PRDM10: variants seen among roughly 807,000 people sequenced by gnomAD.
The protein encoded by PRDM10 is PR domain zinc finger protein 10.
Under a neutral mutation model 133.1 loss-of-function variants are expected in PRDM10, and 65 were observed. That is an observed-to-expected ratio of 0.49 (90% CI 0.40 to 0.60). The LOEUF (loss-of-function observed/expected upper bound fraction) is 0.60. PRDM10 is among the 20% of genes least tolerant of loss of function. The probability of loss-of-function intolerance (pLI) is 0.00; values close to 1 mark genes in which losing one functional copy is unlikely to be tolerated. For missense variants in PRDM10, 1,137 were observed against 1,507.1 expected, an observed-to-expected ratio of 0.75 and a Z score of 4.07; for synonymous variants, 582 against 580.4, an observed-to-expected ratio of 1.00 and a Z score of -0.04.
At position 129,918,631 on chromosome 11, in the gene PRDM10, T is replaced by A. The variant is rs1591593833; in HGVS notation, c.2122A>T (p.Thr708Ser). The change falls in exon 14 of 21, where the codon ACG becomes TCG. Residue 708 changes from threonine to serine, a missense_variant. Physicochemically the swap from Thr to Ser is moderately conservative, Grantham distance 58. This residue lies in a region of PRDM10 where 78 missense variants were observed against 96.4 expected (regional missense o/e 0.81). Coordinates refer to ENST00000360871, the MANE Select transcript of PRDM10 (RefSeq NM_199437.2). The surrounding 1 kb of genome is among the most constrained non-coding windows in gnomAD (Gnocchi z 5.3). ...GTGGACGTGATGCGGGGCTTGAACG[T>A]CTTGGAGCGGCTGATGCGGTCGGCT... Reference protein sequence around the residue: ...KKADRISRSKTFKPRITSTDY... With the variant: ...KKADRISRSKSFKPRITSTDY... The A allele has an allele frequency of 6.2e-7, 1 of 1,614,176 alleles. No individual in the cohort carries two copies. The highest frequency in any genetic ancestry group is 1.6e-4 in the Middle Eastern group (1 of 6,062).
intron 13 of PRDM10, among the ~76,000 whole-genome samples, chr11:129,919,975 G>C (rs1036672097): frequency 1.3e-5 from 2 of 152,174 alleles, no homozygotes; most frequent in Admixed American, 6.5e-5. Flanking sequence ...GCGCTTTGTA[G>C]GCTACAGTAG....
At chr11:130,001,386 G>T (rs2136019314) in intron 1 of PRDM10, among the ~76,000 whole-genome samples, 1 of 152,300 alleles carries the variant, frequency 6.6e-6, no homozygotes, top group African/African-American at 2.4e-5. Flanking sequence ...CCACAAAACA[G>T]TCATGAGTGA....
intron 8 of PRDM10, among the ~76,000 whole-genome samples, chr11:129,935,837 C>A (rs1207131954): frequency 6.6e-6 from 1 of 152,200 alleles, no homozygotes; most frequent in African/African-American, 2.4e-5. Context: ...GTCTTTGTCC[C>A]TAGTTGGTAA....
intron 1 of PRDM10, among the ~76,000 whole-genome samples, chr11:129,991,607 T>G (rs1215044507): frequency 1.3e-5 from 2 of 151,932 alleles, no homozygotes; most frequent in Non-Finnish European, 1.5e-5. Context: ...TCACCTGAGG[T>G]CAGGAGTTCG....
At chr11:129,906,016 T>G (rs1358377560) in intron 19 of PRDM10, among the ~76,000 whole-genome samples, 1 of 152,220 alleles carries the variant, frequency 6.6e-6, no homozygotes, top group Admixed American at 6.5e-5. Flanking sequence ...TTTAAAACCT[T>G]GAAATACGTC....
chr11:129,940,249 A>G (rs965108267), intron 7 of PRDM10, among the ~76,000 whole-genome samples: 2 of 152,142 alleles, frequency 1.3e-5, no homozygotes, highest in Non-Finnish European at 2.9e-5. Flanking sequence ...TTTTTTCTTA[A>G]TGGTGCATAA....
intron 7 of PRDM10, among the ~76,000 whole-genome samples, chr11:129,940,023 G>C (rs1951157774): frequency 6.6e-6 from 1 of 152,086 alleles, no homozygotes; most frequent in Admixed American, 6.5e-5. Flanking sequence ...CACACAGAAA[G>C]GCACAAACAT....
rs2135887506 is a variant in PRDM10 at position 129,947,879 on chromosome 11, G to A, written c.295-509C>T. 1 of 367,378 alleles carries A rather than the reference G, an allele frequency of 2.7e-6. No individual in the cohort carries two copies. Among genetic ancestry groups the A allele is most frequent in the East Asian group, 7.3e-5 (1 of 13,762 alleles). The allele number at this position is 367,378 out of a possible 1,614,324, so 22.8% of individuals were successfully genotyped here. On this transcript the variant is annotated intron_variant, in intron 4 of 20. Transcript: ENST00000360871. The surrounding 1 kb of genome is among the most constrained non-coding windows in gnomAD (Gnocchi z 4.6). ...CCACATCTGAACTAAACCTGGGGTG[G>A]GGGTCCCTCTTGCCTTTCCAGAGTA...
At chr11:129,957,408 T>A (rs1951715655) in intron 3 of PRDM10, among the ~76,000 whole-genome samples, 1 of 152,038 alleles carries the variant, frequency 6.6e-6, no homozygotes, top group Non-Finnish European at 1.5e-5. Context: ...AACCTCCGCC[T>A]CCCAGGTTCA....
At chr11:129,985,114 C>A (rs1277804763) in intron 1 of PRDM10, among the ~76,000 whole-genome samples, 2 of 152,176 alleles carry the variant, frequency 1.3e-5, no homozygotes, top group Non-Finnish European at 2.9e-5. Flanking sequence ...CCATGACCGG[C>A]CCAGGAGGCC....
rs1950439916 is a variant in PRDM10 at position 129,918,955 on chromosome 11, A to T, written c.2035-237T>A. On this transcript the variant is annotated intron_variant, in intron 13 of 20. Coordinates refer to ENST00000360871, the MANE Select transcript of PRDM10 (RefSeq NM_199437.2). This position sits in a 1 kb window ranked among gnomAD's most constrained non-coding sequence, Gnocchi z 5.3. ...TTAAAATGACCATTAAATAGGAAAG[A>T]TACATACCGACTTTTGAGAATAAAG... 6.6e-6 allele frequency among the ~76,000 whole-genome samples: 1 copy of T among 152,220 alleles called. No individual in the cohort carries two copies. Among genetic ancestry groups the T allele is most frequent in the Admixed American group, 6.5e-5 (1 of 15,286 alleles).
chr11:129,914,866 G>A lies in PRDM10; in HGVS notation c.2679C>T (p.Asp893=), dbSNP rs775718691. 17 of 1,614,044 alleles carry A rather than the reference G, an allele frequency of 1.1e-5. No individual in the cohort carries two copies. The highest frequency in any genetic ancestry group is 2.7e-5 in the African/African-American group (2 of 74,910). Residue 893 remains aspartate (D), a synonymous_variant, in exon 17 of 21, where the codon GAC becomes GAT. Coordinates refer to ENST00000360871, the MANE Select transcript of PRDM10 (RefSeq NM_199437.2). ...SATGETVVTT[D]LLTQAMTELS... is the part of the protein sequence containing the mutation. ...GTTCTGTCATTGCTTGGGTGAGCAG[G>A]TCCGTCGTCACCACAGTCTCTCCAG...
chr11:129,914,459 A>T lies in PRDM10; in HGVS notation c.2841+245T>A, dbSNP rs896492757. ...CAGGTGCTGTGGCTACTGTCCTGCC[A>T]CAGCACAGGAGGCTTGTATATGCTG... On this transcript the variant is annotated intron_variant, in intron 17 of 20. Transcript: ENST00000360871. The T allele has an allele frequency of 5.2e-6, 3 of 577,942 alleles. No individual in the cohort carries two copies. In the Admixed American group the frequency reaches 8.5e-5, roughly 16 times the overall value. The allele number at this position is 577,942 out of a possible 1,614,324, so 35.8% of individuals were successfully genotyped here.
chr11:129,930,902 G>C, intron 11 of PRDM10, 114 bp downstream of exon 11: 1 of 1,411,364 alleles, frequency 7.1e-7, no homozygotes, highest in Non-Finnish European at 9.5e-7. Flanking sequence ...CATGTGACAG[G>C]CTAGATGCAA....
chr11:129,995,849 G>A (rs1454693409), intron 1 of PRDM10, among the ~76,000 whole-genome samples: 2 of 152,124 alleles, frequency 1.3e-5, no homozygotes, highest in Admixed American at 6.6e-5. Flanking sequence ...GGGGGGCTGA[G>A]GCAGGAGAAT....
At chr11:129,986,512 G>T (rs1270578754) in intron 1 of PRDM10, among the ~76,000 whole-genome samples, 1 of 152,094 alleles carries the variant, frequency 6.6e-6, no homozygotes, top group African/African-American at 2.4e-5. Context: ...TCAGAAACAC[G>T]AGTAGCTGGG....
At chr11:129,990,347 A>C (rs1453418887) in intron 1 of PRDM10, among the ~76,000 whole-genome samples, 1 of 149,990 alleles carries the variant, frequency 6.7e-6, no homozygotes, top group African/African-American at 2.5e-5. Context: ...CTCCACCACA[A>C]AAAAAACAAA....
Position 129,957,630 on chromosome 11 carries a change from T to G in PRDM10, c.234+116A>C. 2.3e-6 allele frequency: 3 copies of G among 1,305,694 alleles called. No individual in the cohort carries two copies. The South Asian group carries it at 4.5e-5, about 20-fold the overall frequency. 80.9% of individuals were successfully genotyped at this position (1,305,694 alleles called of 1,614,324 possible). A position where few individuals can be genotyped will look rare whatever the true frequency, so the allele number is the denominator to read the frequency against. ...CCGCGCCTGGCTGAGAGCACAGATC[T>G]TATCTGAATACGTACTGCATCACCA... On this transcript the variant is annotated intron_variant, in intron 3 of 20. Transcript: ENST00000360871.
intron 1 of PRDM10, among the ~76,000 whole-genome samples, chr11:129,984,007 C>T (rs1020175469): frequency 2.0e-5 from 3 of 152,204 alleles, no homozygotes; most frequent in Non-Finnish European, 1.5e-5. Flanking sequence ...CTGGCTCCCA[C>T]GCCCATTCTG....
Sources: gnomAD v4.1 joint callset for allele counts (sites outside exome capture counted in the v4.1 genomes callset) on GRCh38, gnomAD v4.1.1 for gene constraint, gnomAD v4.1.1 regional missense constraint, Gnocchi (gnomAD v3.1) non-coding constraint, MANE v1.5 for transcripts, NCBI Gene and HGNC (gene_info 2026-07-23, HGNC 2026-07-21) for gene names.